Variants in PTBP3 observed in about 807,000 individuals in gnomAD.
PTBP3 encodes the protein polypyrimidine tract binding protein 3.
PTBP3 carries 20 observed loss-of-function variants against 58.7 expected under a neutral mutation model. That is an observed-to-expected ratio of 0.34 (90% CI 0.24 to 0.50). The LOEUF is 0.50. Ranked by LOEUF, PTBP3 falls within the 20% of genes least tolerant of loss-of-function variation. The pLI is 0.98. For missense variants in PTBP3, 509 were observed against 637.2 expected (o/e 0.80, Z 2.17); for synonymous variants, 185 against 219.8 (o/e 0.84, Z 1.40).
chr9:112,266,358 CATAAG>C (rs767114373), intron 4 of PTBP3, among the ~76,000 whole-genome samples: 1 of 152,008 alleles, frequency 6.6e-6, no homozygotes, highest in Non-Finnish European at 1.5e-5. Context: ...AAAAGTAAAA[CATAAG>C]ATATTATTAC....
chr9:112,379,807 A>C, the PTBP3 span: 1 of 427,384 alleles, frequency 2.3e-6, no homozygotes. Flanking sequence ...AGAGACAGGG[A>C]AAAGGTGGAC....
rs550167690 is a variant in PTBP3 at position 112,266,398 on chromosome 9, T to A, written c.351+1651A>T. ...CTCATTTGCTCATCCATTATATTGGTGGCACTCTAAGCACATAATCTCTAC... is the reference window on the plus strand; with the variant it reads ...CTCATTTGCTCATCCATTATATTGGAGGCACTCTAAGCACATAATCTCTAC... On this transcript the variant is annotated intron_variant, in intron 4 of 13. Transcript: ENST00000374257. Among the ~76,000 whole-genome samples, 3 of 152,326 alleles carry A rather than the reference T, an allele frequency of 2.0e-5. No individual in the cohort carries two copies. In the East Asian group the frequency reaches 5.8e-4, roughly 29 times the overall value.
intron 2 of PTBP3, among the ~76,000 whole-genome samples, chr9:112,285,620 G>A (rs1051369906): frequency 6.6e-6 from 1 of 152,204 alleles, no homozygotes; most frequent in East Asian, 1.9e-4. Flanking sequence ...ACTCAACTGT[G>A]CAGTTACGGC....
intron 1 of PTBP3, among the ~76,000 whole-genome samples, chr9:112,311,619 GC>G (rs372589206): frequency 1.3e-5 from 2 of 151,846 alleles, no homozygotes; most frequent in African/African-American, 4.8e-5. Context: ...ATGGATTTTG[GC>G]CCCCCCTAGA....
chr9:112,330,502 T>G, intron 1 of PTBP3: 1 of 1,469,960 alleles, frequency 6.8e-7, no homozygotes, highest in Non-Finnish European at 9.3e-7. Flanking sequence ...AAAGAGAAAA[T>G]GGAAAACAAA....
chr9:112,263,170 G>C (rs936826542), intron 4 of PTBP3, among the ~76,000 whole-genome samples: 1 of 152,166 alleles, frequency 6.6e-6, no homozygotes, highest in African/African-American at 2.4e-5. Flanking sequence ...CAGCTTGAAG[G>C]GGCCTGCACT....
At chr9:112,272,079 AT>A (rs796393403) in intron 3 of PTBP3, among the ~76,000 whole-genome samples, 2,967 of 147,040 alleles carry the variant, frequency 0.02, 97 homozygotes, top group African/African-American at 0.066. Flanking sequence ...TTTATTTTTT[AT>A]TTTTTTTTTG....
chr9:112,285,016 A>G (rs1163150934), intron 2 of PTBP3, among the ~76,000 whole-genome samples: 1 of 139,960 alleles, frequency 7.1e-6, no homozygotes, highest in Non-Finnish European at 1.5e-5. Context: ...TTGGTTTTGA[A>G]ATGGAAAAAG....
chr9:112,283,596 A>C (rs1827975839), intron 2 of PTBP3, among the ~76,000 whole-genome samples: 1 of 152,228 alleles, frequency 6.6e-6, no homozygotes. Context: ...TCACAGCCTG[A>C]CCATGTGGTA....
intron 7 of PTBP3, among the ~76,000 whole-genome samples, 164 bp from the exon 8 acceptor site, chr9:112,235,061 C>T (rs755969218): frequency 2.0e-5 from 3 of 152,136 alleles, no homozygotes; most frequent in Admixed American, 6.6e-5. Flanking sequence ...AGAGCCTCTG[C>T]CACTTCCAAA....
chr9:112,329,327 C>T (rs576573865), intron 1 of PTBP3, among the ~76,000 whole-genome samples: 303 of 152,126 alleles, frequency 2.0e-3, no homozygotes, highest in Non-Finnish European at 3.2e-3. Context: ...GCAGAAGAAT[C>T]ACTTGAACCC....
chr9:112,364,336 C>T, the PTBP3 span, among the ~76,000 whole-genome samples: 1 of 152,002 alleles, frequency 6.6e-6, no homozygotes, highest in Non-Finnish European at 1.5e-5. Context: ...AAAGAGCATA[C>T]TAACCTTTTA....
At chr9:112,265,059 C>A (rs1836740892) in intron 4 of PTBP3, among the ~76,000 whole-genome samples, 1 of 152,116 alleles carries the variant, frequency 6.6e-6, no homozygotes, top group Admixed American at 6.5e-5. Flanking sequence ...CTCAAATTAA[C>A]TTACAACATC....
the PTBP3 span, among the ~76,000 whole-genome samples, chr9:112,348,507 C>T: frequency 1.3e-5 from 2 of 152,234 alleles, no homozygotes; most frequent in Non-Finnish European, 2.9e-5. Flanking sequence ...GTTCGGTAAA[C>T]ACACAGAGCA....
chr9:112,306,621 T>G lies in PTBP3; in HGVS notation c.-51-8705A>C, dbSNP rs557849311. Among the ~76,000 whole-genome samples the G allele has an allele frequency of 9.9e-5, 15 of 151,382 alleles. No homozygotes were observed. In the East Asian group the frequency reaches 1.4e-3, roughly 14 times the overall value. ...ATATATATATTTTTGTTTGTTTGTTTGTTTGTTTGTTTTGAGACAGAGTCT... is the reference window on the plus strand; with the variant it reads ...ATATATATATTTTTGTTTGTTTGTTGGTTTGTTTGTTTTGAGACAGAGTCT... On this transcript the variant is annotated intron_variant, in intron 1 of 13. Transcript: ENST00000374257.
chr9:112,260,016 T>C (rs1019840224), intron 5 of PTBP3, among the ~76,000 whole-genome samples: 4 of 152,142 alleles, frequency 2.6e-5, no homozygotes, highest in African/African-American at 9.7e-5. Context: ...CAAGTGATTC[T>C]CCTGCCTCAG....
At chr9:112,362,377 T>G in the PTBP3 span, among the ~76,000 whole-genome samples, 2 of 152,230 alleles carry the variant, frequency 1.3e-5, no homozygotes, top group Non-Finnish European at 2.9e-5. Flanking sequence ...GTAGCTGTTG[T>G]AAGAATTCTG....
At chr9:112,275,172 G>C (rs1240281613) in intron 3 of PTBP3, among the ~76,000 whole-genome samples, 1 of 147,950 alleles carries the variant, frequency 6.8e-6, no homozygotes, top group Non-Finnish European at 1.5e-5. Flanking sequence ...ATTTACTCTT[G>C]TTGCATAGGC....
chr9:112,269,184 GA>G (rs1827258024), intron 3 of PTBP3, among the ~76,000 whole-genome samples: 1 of 111,578 alleles, frequency 9.0e-6, no homozygotes, highest in South Asian at 3.3e-4. Flanking sequence ...GTGACTGAGC[GA>G]AACTCTGTCT....
Sources: allele counts gnomAD v4.1 joint callset (sites outside exome capture counted in the v4.1 genomes callset), GRCh38; gene constraint gnomAD v4.1.1; transcripts MANE v1.5; gene names NCBI Gene and HGNC (gene_info 2026-07-23, HGNC 2026-07-21).